ZFHX3: variants seen among roughly 807,000 people sequenced by gnomAD.
ZFHX3 encodes zinc finger homeobox protein 3.
A neutral mutation model predicts 279.1 loss-of-function variants in ZFHX3; 42 were observed. The observed-to-expected ratio is 0.15, with a 90% CI of 0.12 to 0.19. The LOEUF (loss-of-function observed/expected upper bound fraction) is 0.19, where lower values mean the gene tolerates loss of function less well. Ranked by LOEUF, ZFHX3 falls within the 10% of genes least tolerant of loss-of-function variation. ZFHX3 has a pLI of 1.00. For synonymous variants in ZFHX3, 2,293 were observed against 1,957.8 expected (o/e 1.17, Z -4.52); for missense variants, 4,981 against 4,754.0 (o/e 1.05, Z -1.40).
chr16:72,873,922 A>G (rs1193100627), intron 4 of ZFHX3, among the ~76,000 whole-genome samples: 2 of 152,200 alleles, frequency 1.3e-5, no homozygotes, highest in African/African-American at 4.8e-5. Flanking sequence ...TATATTTTAA[A>G]AGGCGTATGG....
chr16:73,768,281 C>T (rs420675), intron 1 of ZFHX3, among the ~76,000 whole-genome samples: 103,019 of 152,064 alleles, frequency 0.68, 35,674 homozygotes, highest in African/African-American at 0.84. Flanking sequence ...ACTAACATGG[C>T]CTACTCTGGT....
chr16:73,352,524 G>C (rs1289718837), intron 3 of ZFHX3, among the ~76,000 whole-genome samples: 1 of 135,240 alleles, frequency 7.4e-6, no homozygotes, highest in Non-Finnish European at 1.5e-5. Context: ...TGTCACCCAG[G>C]CTGGAGGGCA....
intron 3 of ZFHX3, among the ~76,000 whole-genome samples, chr16:73,385,990 G>T (rs137978539): frequency 6.6e-6 from 1 of 152,076 alleles, no homozygotes; most frequent in Non-Finnish European, 1.5e-5. Context: ...GTGAAATGGT[G>T]GGGGGTGGGG....
At chr16:73,755,298 T>C (rs931221495) in intron 1 of ZFHX3, among the ~76,000 whole-genome samples, 21 of 152,080 alleles carry the variant, frequency 1.4e-4, no homozygotes, top group African/African-American at 4.8e-4. Flanking sequence ...TAACGACATA[T>C]ATAAACCTGA....
intron 1 of ZFHX3, among the ~76,000 whole-genome samples, chr16:73,807,620 ATTTTTTTTTTTT>A (rs55806545): frequency 0.07 from 4,963 of 70,830 alleles, 452 homozygotes; most frequent in African/African-American, 0.26. Flanking sequence ...CCATGCCCCA[ATTTTTTTTTTTT>A]TTTTTTTTTT....
At chr16:72,946,332 A>G (rs1490394187) in intron 3 of ZFHX3, among the ~76,000 whole-genome samples, 1 of 152,184 alleles carries the variant, frequency 6.6e-6, no homozygotes, top group Non-Finnish European at 1.5e-5. Context: ...ACACCGTGGT[A>G]GACAACCCTC....
intron 4 of ZFHX3, among the ~76,000 whole-genome samples, chr16:72,850,284 G>A (rs964608067): frequency 2.0e-5 from 3 of 152,194 alleles, no homozygotes; most frequent in African/African-American, 7.2e-5. Context: ...TCAGACCACA[G>A]GTCCCACATG....
At chr16:73,502,682 T>G (rs944998109) in intron 2 of ZFHX3, among the ~76,000 whole-genome samples, 1 of 152,222 alleles carries the variant, frequency 6.6e-6, no homozygotes. Context: ...TCAGTGGATG[T>G]GCTGGGGTGG....
At chr16:73,311,637 G>T (rs1017064608) in intron 4 of ZFHX3, among the ~76,000 whole-genome samples, 1 of 148,882 alleles carries the variant, frequency 6.7e-6, no homozygotes, top group African/African-American at 2.5e-5. Flanking sequence ...GCCAACAATG[G>T]TTATCTCTTG....
intron 4 of ZFHX3, among the ~76,000 whole-genome samples, chr16:72,884,718 T>A (rs2038578749): frequency 6.6e-6 from 1 of 152,148 alleles, no homozygotes; most frequent in Admixed American, 6.5e-5. Flanking sequence ...TGAAGTTAAC[T>A]ACAGTTTCAC....
At chr16:73,444,943 C>G (rs981537766) in intron 3 of ZFHX3, among the ~76,000 whole-genome samples, 1 of 108,970 alleles carries the variant, frequency 9.2e-6, no homozygotes, top group African/African-American at 3.6e-5. Context: ...CATGGTGAAA[C>G]TCCATCTATA....
intron 2 of ZFHX3, among the ~76,000 whole-genome samples, chr16:73,598,478 C>G (rs1253799826): frequency 7.0e-6 from 1 of 142,860 alleles, no homozygotes; most frequent in East Asian, 2.2e-4. Context: ...AGCGTAGTGG[C>G]GTGATCTTGA....
intron 5 of ZFHX3, among the ~76,000 whole-genome samples, chr16:73,195,534 T>A (rs978157646): frequency 3.3e-5 from 5 of 150,740 alleles, no homozygotes; most frequent in African/African-American, 1.2e-4. Flanking sequence ...TTCTTCTGCC[T>A]CAGCCTCCCG....
chr16:73,363,475 C>T (rs1052315708), intron 3 of ZFHX3, among the ~76,000 whole-genome samples: 2 of 152,078 alleles, frequency 1.3e-5, no homozygotes, highest in Non-Finnish European at 2.9e-5. Context: ...CTGTGCATAC[C>T]CCTGAATATG....
At position 73,788,615 on chromosome 16, in the gene ZFHX3, C is replaced by G. The variant is rs574683912; in HGVS notation, c.-1608+103036G>C. Among the ~76,000 whole-genome samples the G allele has an allele frequency of 1.3e-5, 2 of 151,962 alleles. 1 individual carries two copies. The highest frequency in any genetic ancestry group is 3.9e-4 in the East Asian group (2 of 5,182). On this transcript the variant is annotated intron_variant, in intron 1 of 17. Coordinates refer to the ZFHX3 transcript ENST00000641206. ...AGTATCCCCAGCCCAGTGCTTAGCA[C>G]GCAGACAACTAGTAACAACTGAATT...
intron 1 of ZFHX3, among the ~76,000 whole-genome samples, chr16:72,968,579 GCCT>G (rs1379702588): frequency 6.6e-6 from 1 of 151,042 alleles, no homozygotes; most frequent in East Asian, 1.9e-4. Context: ...TTCTGCCTCA[GCCT>G]CCTAAGTAGC....
chr16:73,664,805 G>C (rs979260117), intron 2 of ZFHX3, among the ~76,000 whole-genome samples: 3 of 152,230 alleles, frequency 2.0e-5, no homozygotes, highest in Non-Finnish European at 4.4e-5. Flanking sequence ...AGAGCATTCA[G>C]ATACACCCGG....
At chr16:73,675,144 T>A (rs969836886) in intron 2 of ZFHX3, among the ~76,000 whole-genome samples, 5 of 152,056 alleles carry the variant, frequency 3.3e-5, no homozygotes, top group African/African-American at 1.2e-4. Flanking sequence ...GAATTTGAAC[T>A]AGTTATATGT....
At chr16:73,492,177 C>G (rs2019066344) in intron 2 of ZFHX3, among the ~76,000 whole-genome samples, 3 of 152,170 alleles carry the variant, frequency 2.0e-5, no homozygotes, top group Admixed American at 1.3e-4. Context: ...GCCTCTGACT[C>G]CAACCTCTTT....
Sources: allele counts gnomAD v4.1 joint callset (sites outside exome capture counted in the v4.1 genomes callset), GRCh38; gene constraint gnomAD v4.1.1; transcripts MANE v1.5; gene names NCBI Gene and HGNC (gene_info 2026-07-23, HGNC 2026-07-21).